The following SMU1 variants were observed in gnomAD, a reference collection of about 807,000 sequenced individuals.
SMU1 encodes SMU1 DNA replication regulator and spliceosomal factor, also known as WD40 repeat-containing protein SMU1.
A neutral mutation model predicts 62.0 loss-of-function variants in SMU1; 2 were observed. The ratio of observed to expected loss-of-function variants is 0.03; its 90% CI spans 0.01 to 0.10. The LOEUF is 0.10. Among genes scored for constraint, SMU1 ranks in the 10% least tolerant of loss-of-function variants. The probability of loss-of-function intolerance (pLI) is 1.00; values close to 1 mark genes in which losing one functional copy is unlikely to be tolerated. For synonymous variants in SMU1, 188 were observed against 212.4 expected, an observed-to-expected ratio of 0.89 and a Z score of 1.00; for missense variants, 227 against 622.1, an observed-to-expected ratio of 0.36 and a Z score of 6.76.
intron 4 of SMU1, among the ~76,000 whole-genome samples, chr9:33,066,395 A>G (rs111548279): frequency 7.4e-4 from 112 of 152,074 alleles, no homozygotes; most frequent in African/African-American, 2.6e-3. Flanking sequence ...TACTCCCACA[A>G]AATGAGGGTC....
intron 4 of SMU1, among the ~76,000 whole-genome samples, chr9:33,065,647 AG>A (rs1417696589): frequency 6.6e-6 from 1 of 152,224 alleles, no homozygotes; most frequent in Non-Finnish European, 1.5e-5. Flanking sequence ...AAAAAGGCTT[AG>A]GAACTGGAGG....
At chr9:33,056,273 A>G (rs1416284295) in intron 8 of SMU1, 34 bp from the exon 9 acceptor site, 1 of 1,584,648 alleles carries the variant, frequency 6.3e-7, no homozygotes, top group South Asian at 1.1e-5. Context: ...AGAACAATAA[A>G]TATTTAATAT....
At chr9:33,059,921 A>T (rs976329629) in intron 6 of SMU1, among the ~76,000 whole-genome samples, 21 of 152,144 alleles carry the variant, frequency 1.4e-4, no homozygotes, top group Admixed American at 7.8e-4. Flanking sequence ...CTGAAAAAAA[A>T]TTTTTTACTT....
intron 10 of SMU1, 113 bp from the exon 11 acceptor site, chr9:33,048,371 C>T (rs994468384): frequency 4.5e-6 from 6 of 1,327,656 alleles, no homozygotes; most frequent in Non-Finnish European, 6.2e-6. Context: ...GGTTTACTAT[C>T]ATTTGTAATT....
At chr9:33,065,706 G>C (rs979642084) in intron 4 of SMU1, among the ~76,000 whole-genome samples, 4 of 152,098 alleles carry the variant, frequency 2.6e-5, no homozygotes. Context: ...CTGAAAACAG[G>C]GGCAATATTA....
At chr9:33,049,141 G>C (rs1364119314) in intron 10 of SMU1, among the ~76,000 whole-genome samples, 1 of 152,160 alleles carries the variant, frequency 6.6e-6, no homozygotes, top group East Asian at 1.9e-4. Context: ...ACGCAAAGAG[G>C]CAAAAGACCC....
intron 9 of SMU1, among the ~76,000 whole-genome samples, chr9:33,054,178 T>C (rs1452883226): frequency 6.8e-6 from 1 of 146,192 alleles, no homozygotes; most frequent in African/African-American, 2.5e-5. Context: ...TTTCTTTTCT[T>C]TTTTTTTTTT....
intron 3 of SMU1, among the ~76,000 whole-genome samples, chr9:33,070,131 C>G (rs1482651872): frequency 6.6e-6 from 1 of 151,996 alleles, no homozygotes; most frequent in Non-Finnish European, 1.5e-5. Context: ...AAAACAACAA[C>G]AACAACAACA....
intron 8 of SMU1, 63 bp downstream of exon 8, chr9:33,056,774 A>C: frequency 4.7e-6 from 7 of 1,502,464 alleles, no homozygotes; most frequent in Non-Finnish European, 6.4e-6. Context: ...AATCACTAGT[A>C]CCTCCCTCCA....
chr9:33,062,403 T>C (rs1239719154), intron 4 of SMU1, among the ~76,000 whole-genome samples: 2 of 152,158 alleles, frequency 1.3e-5, no homozygotes, highest in African/African-American at 4.8e-5. Flanking sequence ...AACAAGTCTA[T>C]CATCCACCTA....
intron 4 of SMU1, among the ~76,000 whole-genome samples, chr9:33,064,719 T>C (rs1431821259): frequency 6.6e-6 from 1 of 151,922 alleles, no homozygotes. Flanking sequence ...CTTTCCAAAG[T>C]TTCTTTGCTA....
At chr9:33,057,758 A>C (rs1385671863) in intron 6 of SMU1, 44 bp from the exon 7 acceptor site, 1 of 1,609,462 alleles carries the variant, frequency 6.2e-7, no homozygotes, top group Non-Finnish European at 8.5e-7. Context: ...ACACAAAGCC[A>C]AGACCCCAGT....
At chr9:33,061,838 A>C (rs1255629903) in intron 5 of SMU1, among the ~76,000 whole-genome samples, 1 of 152,226 alleles carries the variant, frequency 6.6e-6, no homozygotes, top group African/African-American at 2.4e-5. Context: ...GTCAAGCTAG[A>C]TGTCCATCCA....
At chr9:33,064,278 T>G (rs1459948037) in intron 4 of SMU1, among the ~76,000 whole-genome samples, 3 of 152,196 alleles carry the variant, frequency 2.0e-5, no homozygotes, top group Non-Finnish European at 4.4e-5. Flanking sequence ...CTTTTCATCT[T>G]AAGTTCCGTT....
intron 4 of SMU1, 30 bp downstream of exon 4, chr9:33,068,794 C>T: frequency 1.3e-5 from 21 of 1,609,054 alleles, no homozygotes; most frequent in Non-Finnish European, 1.8e-5. Context: ...TGTGAGCCAC[C>T]ACACCTGGCC....
chr9:33,054,211 A>G (rs111667107), intron 9 of SMU1, among the ~76,000 whole-genome samples: 114 of 148,332 alleles, frequency 7.7e-4, no homozygotes, highest in African/African-American at 2.7e-3. Context: ...AGATCTCGCT[A>G]TTTTGCCCTA....
chr9:33,050,741 G>A (rs1430149123), intron 10 of SMU1, among the ~76,000 whole-genome samples: 1 of 151,672 alleles, frequency 6.6e-6, no homozygotes. Context: ...CAGGAGAATC[G>A]CTCGAACCCG....
At chr9:33,071,204 C>T (rs746256035) in intron 3 of SMU1, among the ~76,000 whole-genome samples, 13 of 151,422 alleles carry the variant, frequency 8.6e-5, no homozygotes, top group Non-Finnish European at 1.9e-4. Flanking sequence ...TAGTAAAAGG[C>T]TGGGGGGGTG....
At chr9:33,060,187 A>T (rs184946269) in intron 6 of SMU1, among the ~76,000 whole-genome samples, 3,113 of 151,742 alleles carry the variant, frequency 0.021, 114 homozygotes, top group African/African-American at 0.071. Context: ...TTAAAAAAAA[A>T]TTTTTTTTGG....
Sources: allele counts gnomAD v4.1 joint callset (sites outside exome capture counted in the v4.1 genomes callset), GRCh38; gene constraint gnomAD v4.1.1; transcripts MANE v1.5; gene names NCBI Gene and HGNC (gene_info 2026-07-23, HGNC 2026-07-21).